PLPPR1: variants seen among roughly 807,000 people sequenced by gnomAD.
PLPPR1 encodes the protein phospholipid phosphatase related 1.
In PLPPR1, 10 loss-of-function variants were observed where a neutral mutation model predicts 33.1. The observed-to-expected ratio is 0.30, with a 90% confidence interval of 0.19 to 0.51. The LOEUF is 0.51. Ranked by LOEUF, PLPPR1 falls within the 20% of genes least tolerant of loss-of-function variation. The pLI is 0.97. For missense variants in PLPPR1, 304 were observed against 408.1 expected, an observed-to-expected ratio of 0.74 and a Z score of 2.20; for synonymous variants, 151 against 151.0, an observed-to-expected ratio of 1.00 and a Z score of 0.00.
intron 1 of PLPPR1, among the ~76,000 whole-genome samples, chr9:101,061,068 C>T (rs1213449383): frequency 6.6e-6 from 1 of 151,886 alleles, no homozygotes; most frequent in Non-Finnish European, 1.5e-5. Flanking sequence ...CCCCAGAATA[C>T]TTAAATAATT....
At chr9:101,192,366 T>G (rs1826311009) in intron 2 of PLPPR1, among the ~76,000 whole-genome samples, 1 of 152,220 alleles carries the variant, frequency 6.6e-6, no homozygotes, top group Admixed American at 6.5e-5. Context: ...AATTTTATCC[T>G]TATATAGAAT....
intron 2 of PLPPR1, among the ~76,000 whole-genome samples, chr9:101,218,504 A>G (rs1377976465): frequency 6.6e-6 from 1 of 152,164 alleles, no homozygotes; most frequent in African/African-American, 2.4e-5. Context: ...TTATTTTTCT[A>G]CAAAATAGAT....
Position 101,227,939 on chromosome 9 carries a change from G to A in PLPPR1, c.64-41941G>A, listed in dbSNP as rs1564184057. On this transcript the variant is annotated intron_variant, in intron 2 of 7. Coordinates refer to ENST00000374874, the MANE Select transcript of PLPPR1 (RefSeq NM_207299.2). ...ATTACAGGCATGTGCCATCACACCC[G>A]GCTAATTATTTACATTTTTAGCAGA... 3.9e-5 allele frequency among the ~76,000 whole-genome samples: 6 copies of A among 152,044 alleles called. No homozygotes were observed. The South Asian group carries it at 6.2e-4, about 16-fold the overall frequency.
chr9:101,295,412 A>G (rs1828605020), intron 4 of PLPPR1, among the ~76,000 whole-genome samples: 1 of 152,024 alleles, frequency 6.6e-6, no homozygotes, highest in African/African-American at 2.4e-5. Flanking sequence ...ATCTCCATCA[A>G]GCTACCAATG....
intron 4 of PLPPR1, among the ~76,000 whole-genome samples, chr9:101,295,985 C>A (rs1474149694): frequency 6.6e-6 from 1 of 150,636 alleles, no homozygotes; most frequent in Non-Finnish European, 1.5e-5. Context: ...TTCTGCACAG[C>A]AAAAGAAACT....
chr9:101,231,723 T>C (rs1175963266), intron 2 of PLPPR1, among the ~76,000 whole-genome samples: 1 of 152,092 alleles, frequency 6.6e-6, no homozygotes, highest in African/African-American at 2.4e-5. Flanking sequence ...ACCCATATAT[T>C]AGAGAAACAT....
intron 1 of PLPPR1, among the ~76,000 whole-genome samples, chr9:101,063,858 C>T (rs1407163256): frequency 2.0e-5 from 3 of 152,100 alleles, no homozygotes. Context: ...ATCATTTGAT[C>T]TGTTTACTTC....
chr9:101,123,698 T>C (rs1256622728), intron 1 of PLPPR1, among the ~76,000 whole-genome samples: 1 of 152,198 alleles, frequency 6.6e-6, no homozygotes, highest in East Asian at 1.9e-4. Context: ...TTTGCTCTGC[T>C]ACTTGAGATA....
chr9:101,125,748 T>G (rs1165108036), intron 1 of PLPPR1: 1 of 854,686 alleles, frequency 1.2e-6, no homozygotes, highest in Non-Finnish European at 1.7e-6. Context: ...TGGTTATAAT[T>G]GATGACCACT....
intron 1 of PLPPR1, among the ~76,000 whole-genome samples, chr9:101,110,992 C>A (rs1831049018): frequency 6.6e-6 from 1 of 151,876 alleles, no homozygotes; most frequent in Admixed American, 6.6e-5. Context: ...AAGTGATCAA[C>A]CACAGAAGAT....
intron 4 of PLPPR1, among the ~76,000 whole-genome samples, chr9:101,287,297 T>C (rs1342169539): frequency 6.6e-6 from 1 of 152,214 alleles, no homozygotes; most frequent in Non-Finnish European, 1.5e-5. Flanking sequence ...TATACCCTGA[T>C]CAATATGATG....
At chr9:101,283,571 AG>A (rs1337774976) in intron 3 of PLPPR1, among the ~76,000 whole-genome samples, 1 of 152,168 alleles carries the variant, frequency 6.6e-6, no homozygotes, top group Non-Finnish European at 1.5e-5. Context: ...ATAGAAGAAA[AG>A]CTTCATGACA....
intron 2 of PLPPR1, among the ~76,000 whole-genome samples, chr9:101,266,396 CAA>C (rs546906894): frequency 7.0e-5 from 8 of 113,954 alleles, no homozygotes; most frequent in Non-Finnish European, 5.4e-5. Context: ...ACCCTGTCTC[CAA>C]AAAAAAAAAG....
At chr9:101,101,824 T>G (rs928071241) in intron 1 of PLPPR1, among the ~76,000 whole-genome samples, 3 of 152,124 alleles carry the variant, frequency 2.0e-5, no homozygotes, top group Non-Finnish European at 2.9e-5. Context: ...AATAAACCCA[T>G]GAACCCAATA....
Position 101,181,604 on chromosome 9 carries a change from A to ATG in PLPPR1, c.-45-3844_-45-3843dup, listed in dbSNP as rs1455050013. On this transcript the variant is annotated intron_variant, in intron 1 of 7. Coordinates refer to ENST00000374874, the MANE Select transcript of PLPPR1 (RefSeq NM_207299.2). ...ATGAATGGATAAAGAAATTGGGTATATGTATGTGTGTGTGTGTGTGTGTGT... is the reference window on the plus strand; with the variant it reads ...ATGAATGGATAAAGAAATTGGGTATATGTGTATGTGTGTGTGTGTGTGTGTGT... Among the ~76,000 whole-genome samples the ATG allele has an allele frequency of 2.8e-3, 321 of 113,854 alleles. 2 individuals carry two copies. Among genetic ancestry groups the ATG allele is most frequent in the African/African-American group, 0.011 (285 of 26,982 alleles). 74.7% of individuals were successfully genotyped at this position (113,854 alleles called of 152,430 possible).
At chr9:101,228,252 C>T (rs150700757) in intron 2 of PLPPR1, among the ~76,000 whole-genome samples, 23 of 152,306 alleles carry the variant, frequency 1.5e-4, no homozygotes, top group Admixed American at 3.3e-4. Context: ...CACATGCCCA[C>T]GGCAGGTGTC....
intron 1 of PLPPR1, among the ~76,000 whole-genome samples, chr9:101,033,028 A>G (rs996273629): frequency 2.6e-5 from 4 of 152,208 alleles, no homozygotes; most frequent in Non-Finnish European, 4.4e-5. Context: ...TCTGCACCAG[A>G]GAGTTCATAA....
intron 1 of PLPPR1, among the ~76,000 whole-genome samples, chr9:101,110,073 TCA>T (rs199949934): frequency 0.018 from 2,675 of 152,314 alleles, 45 homozygotes; most frequent in African/African-American, 0.045. Flanking sequence ...ATTATCATCT[TCA>T]AAAGCAATAT....
chr9:101,317,273 G>A, intron 6 of PLPPR1, 92 bp from the exon 7 acceptor site: 1 of 1,344,978 alleles, frequency 7.4e-7, no homozygotes. Context: ...CTCTGGTGAT[G>A]ATATTCAAGG....
Sources: gnomAD v4.1 joint callset for allele counts (sites outside exome capture counted in the v4.1 genomes callset) on GRCh38, gnomAD v4.1.1 for gene constraint, MANE v1.5 for transcripts, NCBI Gene and HGNC (gene_info 2026-07-23, HGNC 2026-07-21) for gene names.